The following GRIA3 variants were observed in gnomAD, a reference collection of about 807,000 sequenced individuals.
The protein encoded by GRIA3 is glutamate ionotropic receptor AMPA type subunit 3.
Under a neutral mutation model 63.0 loss-of-function variants are expected in GRIA3, and 3 were observed. That is an observed-to-expected ratio of 0.05 (90% CI 0.02 to 0.12). The LOEUF is 0.12. Ranked by LOEUF, GRIA3 falls within the 10% of genes least tolerant of loss-of-function variation. The probability of loss-of-function intolerance (pLI) is 1.00; values close to 1 mark genes in which losing one functional copy is unlikely to be tolerated. For synonymous variants in GRIA3, 274 were observed against 257.9 expected, an observed-to-expected ratio of 1.06 and a Z score of -0.60; for missense variants, 347 against 700.9, an observed-to-expected ratio of 0.50 and a Z score of 5.70.
chrX:123,271,259 G>A (rs1398677445), intron 3 of GRIA3, among the ~76,000 whole-genome samples: 1 of 111,950 alleles, frequency 8.9e-6, no homozygotes, highest in Non-Finnish European at 1.9e-5. Flanking sequence ...CTACTGAAAT[G>A]GAAGACCATT....
intron 3 of GRIA3, among the ~76,000 whole-genome samples, chrX:123,268,441 C>T (rs1043082852): frequency 9.2e-6 from 1 of 108,837 alleles, no homozygotes; most frequent in Non-Finnish European, 1.9e-5. Context: ...CCATTCTCTT[C>T]CATTTTTTAT....
intron 2 of GRIA3, among the ~76,000 whole-genome samples, chrX:123,199,687 T>C (rs1178522158): frequency 9.0e-6 from 1 of 111,730 alleles, no homozygotes; most frequent in Non-Finnish European, 1.9e-5. Context: ...ATGACAACAC[T>C]GTCAGTTTTA....
At chrX:123,385,343 G>T (rs1018075761) in intron 5 of GRIA3, among the ~76,000 whole-genome samples, 3 of 111,332 alleles carry the variant, frequency 2.7e-5, no homozygotes, top group African/African-American at 9.8e-5. Flanking sequence ...AACCTATTCT[G>T]CTCCATTAGT....
At chrX:123,325,487 G>A (rs1236302620) in intron 3 of GRIA3, among the ~76,000 whole-genome samples, 6 of 111,921 alleles carry the variant, frequency 5.4e-5, no homozygotes, top group Admixed American at 9.5e-5. Flanking sequence ...AAGAGCTCAC[G>A]AGTATGATAT....
At chrX:123,402,415 A>C (rs867221462) in intron 7 of GRIA3, among the ~76,000 whole-genome samples, 1 of 99,442 alleles carries the variant, frequency 1.0e-5, no homozygotes, top group East Asian at 3.2e-4. Flanking sequence ...ATATATATAT[A>C]TCTTCTCTAA....
intron 2 of GRIA3, among the ~76,000 whole-genome samples, chrX:123,196,724 C>T (rs908390793): frequency 6.3e-5 from 7 of 111,789 alleles, no homozygotes; most frequent in African/African-American, 2.0e-4. Flanking sequence ...TATTTCTAGC[C>T]AATCCACATA....
chrX:123,448,373 AC>A (rs1282810811), intron 12 of GRIA3, among the ~76,000 whole-genome samples: 1 of 111,343 alleles, frequency 9.0e-6, no homozygotes, highest in Non-Finnish European at 1.9e-5. Context: ...TCCCCAACCT[AC>A]CCCCCTGTCT....
At chrX:123,424,218 CT>C (rs1297634008) in intron 11 of GRIA3, among the ~76,000 whole-genome samples, 1 of 111,691 alleles carries the variant, frequency 9.0e-6, no homozygotes, top group Non-Finnish European at 1.9e-5. Context: ...ACTATAAAGT[CT>C]TGTCTTATTT....
Position 123,267,586 on chromosome X carries a change from A to G in GRIA3, c.508+14044A>G, listed in dbSNP as rs552120158. 6.9e-4 allele frequency among the ~76,000 whole-genome samples: 77 copies of G among 112,327 alleles called. 1 individual carries two copies. Among genetic ancestry groups the G allele is most frequent in the African/African-American group, 2.2e-3 (69 of 31,017 alleles). On this transcript the variant is annotated intron_variant, in intron 3 of 15. Transcript: ENST00000620443. ...ATAGTATTATTTTCCACAGCTCCTA[A>G]TGAAAAACTAAAGAAGGAAAACTGC...
chrX:123,223,768 A>G (rs1479305365), intron 2 of GRIA3, among the ~76,000 whole-genome samples: 1 of 111,756 alleles, frequency 8.9e-6, no homozygotes, highest in Non-Finnish European at 1.9e-5. Context: ...AAAAATTCCC[A>G]TACTACAAAG....
intron 10 of GRIA3, among the ~76,000 whole-genome samples, chrX:123,414,642 A>G (rs2045526321): frequency 2.1e-5 from 2 of 97,277 alleles, no homozygotes; most frequent in Non-Finnish European, 4.0e-5. Flanking sequence ...TCATTGTTCA[A>G]CTCCCACCTA....
At chrX:123,362,896 T>A (rs1312680321) in intron 5 of GRIA3, among the ~76,000 whole-genome samples, 4 of 112,704 alleles carry the variant, frequency 3.5e-5, no homozygotes, top group African/African-American at 9.7e-5. Flanking sequence ...ACTTAATAGG[T>A]TTCTAAGTAT....
At chrX:123,223,313 T>A (rs2044228697) in intron 2 of GRIA3, among the ~76,000 whole-genome samples, 1 of 112,820 alleles carries the variant, frequency 8.9e-6, no homozygotes, top group Non-Finnish European at 1.9e-5. Context: ...AGGTATCAAT[T>A]TAACATACAA....
At chrX:123,421,583 A>G (rs1362470913) in intron 11 of GRIA3, among the ~76,000 whole-genome samples, 6 of 112,442 alleles carry the variant, frequency 5.3e-5, no homozygotes, top group Non-Finnish European at 1.1e-4. Flanking sequence ...TTTTCTCAAA[A>G]TTGAAGCAAT....
chrX:123,325,944 G>T (rs2044899604), intron 3 of GRIA3, 82 bp from the exon 4 acceptor site: 2 of 831,969 alleles, frequency 2.4e-6, no homozygotes, highest in African/African-American at 4.0e-5. Flanking sequence ...GCACCTGATG[G>T]ACTGTGACTA....
chrX:123,402,601 T>C (rs1313146060), intron 7 of GRIA3, among the ~76,000 whole-genome samples: 1 of 110,593 alleles, frequency 9.0e-6, no homozygotes, highest in African/African-American at 3.3e-5. Flanking sequence ...TATGTTCAGA[T>C]ATGGGAAATA....
chrX:123,282,138 G>A (rs1237404811), intron 3 of GRIA3, among the ~76,000 whole-genome samples: 1 of 112,405 alleles, frequency 8.9e-6, no homozygotes, highest in Non-Finnish European at 1.9e-5. Context: ...TGATGCCAAT[G>A]CTGCTAGTAC....
At chrX:123,395,517 G>A (rs752237044) in intron 6 of GRIA3, among the ~76,000 whole-genome samples, 1 of 111,891 alleles carries the variant, frequency 8.9e-6, no homozygotes, top group African/African-American at 3.2e-5. Flanking sequence ...TGATTGCTTT[G>A]TTTTAATAAG....
At chrX:123,485,751 C>T (rs980369991) in intron 15 of GRIA3, among the ~76,000 whole-genome samples, 2 of 111,727 alleles carry the variant, frequency 1.8e-5, no homozygotes, top group African/African-American at 3.3e-5. Context: ...TCAACGATTC[C>T]ATCTGAGAAT....
Sources: allele counts gnomAD v4.1 joint callset (sites outside exome capture counted in the v4.1 genomes callset), GRCh38; gene constraint gnomAD v4.1.1; transcripts MANE v1.5; gene names NCBI Gene and HGNC (gene_info 2026-07-23, HGNC 2026-07-21).